Variants in AKT3 observed in about 807,000 individuals in gnomAD.
AKT3 encodes the protein RAC-gamma serine/threonine-protein kinase.
AKT3 carries 15 observed loss-of-function variants against 65.3 expected under a neutral mutation model. The ratio of observed to expected loss-of-function variants is 0.23; its 90% confidence interval spans 0.15 to 0.35. The LOEUF (loss-of-function observed/expected upper bound fraction) is 0.35, where lower values mean the gene tolerates loss of function less well. Ranked by LOEUF, AKT3 falls within the 10% of genes least tolerant of loss-of-function variation. AKT3 has a pLI of 1.00. For missense variants in AKT3, 243 were observed against 576.5 expected, an observed-to-expected ratio of 0.42 and a Z score of 5.92; for synonymous variants, 206 against 183.8, an observed-to-expected ratio of 1.12 and a Z score of -0.98.
intron 6 of AKT3, among the ~76,000 whole-genome samples, chr1:243,629,075 GAGACC>G (rs1428946528): frequency 6.6e-6 from 1 of 152,074 alleles, no homozygotes; most frequent in Non-Finnish European, 1.5e-5. Context: ...TCAGGAGTTT[GAGACC>G]AGCCTGACCA....
intron 6 of AKT3, among the ~76,000 whole-genome samples, chr1:243,635,881 A>G (rs1679936999): frequency 6.6e-6 from 1 of 152,060 alleles, no homozygotes; most frequent in African/African-American, 2.4e-5. Flanking sequence ...TCATAGTGTT[A>G]ATCATCTTGC....
intron 9 of AKT3, among the ~76,000 whole-genome samples, chr1:243,566,308 A>G (rs1674152663): frequency 6.6e-6 from 1 of 152,170 alleles, no homozygotes; most frequent in Admixed American, 6.5e-5. Context: ...ATGCAAGGAT[A>G]GGTTTGGGTA....
At chr1:243,780,056 T>A (rs1348056827) in intron 2 of AKT3, among the ~76,000 whole-genome samples, 1 of 152,088 alleles carries the variant, frequency 6.6e-6, no homozygotes, top group Non-Finnish European at 1.5e-5. Context: ...AATAATGTAT[T>A]CAAGTAAGAA....
At chr1:243,747,075 C>G (rs892120469) in intron 2 of AKT3, among the ~76,000 whole-genome samples, 1 of 152,042 alleles carries the variant, frequency 6.6e-6, no homozygotes, top group Non-Finnish European at 1.5e-5. Context: ...TTTACATGCC[C>G]AGGAAGCTAT....
rs555798309 is a variant in AKT3 at position 243,565,241 on chromosome 1, TTC to T, written c.820-1395_820-1394del. ...TACTGCTGAACCTTTAAAAAAAAATTTCTGTTTTGAGACAGAGTCTCACTCTG... is the reference window on the plus strand; with the variant it reads ...TACTGCTGAACCTTTAAAAAAAAATTTGTTTTGAGACAGAGTCTCACTCTG... On this transcript the variant is annotated intron_variant, in intron 9 of 13. Transcript: ENST00000673466. Among the ~76,000 whole-genome samples, 726 of 152,306 alleles carry T rather than the reference TTC, an allele frequency of 4.8e-3. 2 individuals are homozygous for T. The highest frequency in any genetic ancestry group is 0.02 in the Middle Eastern group (6 of 294).
At chr1:243,666,879 G>A (rs1489601568) in intron 3 of AKT3, among the ~76,000 whole-genome samples, 3 of 152,022 alleles carry the variant, frequency 2.0e-5, no homozygotes, top group Admixed American at 1.3e-4. Flanking sequence ...GTGTTTTGTC[G>A]ACATGATGAG....
At chr1:243,579,320 T>C (rs1675168611) in intron 8 of AKT3, among the ~76,000 whole-genome samples, 1 of 152,102 alleles carries the variant, frequency 6.6e-6, no homozygotes. Flanking sequence ...AAGAATAGTC[T>C]AGGAATTCAG....
chr1:243,720,324 ATAAAAATGGT>A (rs892516544), intron 2 of AKT3, among the ~76,000 whole-genome samples: 3 of 151,980 alleles, frequency 2.0e-5, no homozygotes, highest in South Asian at 4.1e-4. Context: ...TAAAATAAAA[ATAAAAATGGT>A]TAAAAATGGT....
Position 243,499,944 on chromosome 1 carries a change from C to G in AKT3, c.*5305G>C. 5.7e-6 allele frequency: 4 copies of G among 696,570 alleles called. No individual in the cohort carries two copies. Among genetic ancestry groups the G allele is most frequent in the Non-Finnish European group, 1.0e-5 (4 of 386,306 alleles). The allele number at this position is 696,570 out of a possible 1,614,324, so 43.1% of individuals were successfully genotyped here. On this transcript the variant is annotated 3_prime_UTR_variant, in exon 14 of 14. Transcript: ENST00000673466. ...CATCAACGCGGGCGCTGTCCCCGCA[C>G]GCAGTCGGGCTGGAGCTGGAGTCTG...
intron 8 of AKT3, among the ~76,000 whole-genome samples, chr1:243,607,053 C>A (rs1053180818): frequency 6.6e-6 from 1 of 152,238 alleles, no homozygotes; most frequent in African/African-American, 2.4e-5. Context: ...TGTGTGGAAA[C>A]ACTTGGATGA....
At chr1:243,833,030 T>C (rs1175416139) in intron 2 of AKT3, among the ~76,000 whole-genome samples, 1 of 152,090 alleles carries the variant, frequency 6.6e-6, no homozygotes, top group African/African-American at 2.4e-5. Context: ...GAGGCTGAGA[T>C]GGCTGGATCA....
chr1:243,817,343 A>G (rs1015882045), intron 2 of AKT3, among the ~76,000 whole-genome samples: 6 of 152,264 alleles, frequency 3.9e-5, no homozygotes, highest in African/African-American at 1.4e-4. Flanking sequence ...TGATGTAGCT[A>G]TAATGATCTA....
At chr1:243,552,015 T>G (rs1445195834) in intron 11 of AKT3, among the ~76,000 whole-genome samples, 1 of 151,712 alleles carries the variant, frequency 6.6e-6, no homozygotes, top group Non-Finnish European at 1.5e-5. Context: ...AGAGGCCGGG[T>G]GCGGTGGCTC....
chr1:243,589,764 T>C (rs1676094761), intron 8 of AKT3, among the ~76,000 whole-genome samples: 1 of 152,206 alleles, frequency 6.6e-6, no homozygotes, highest in Non-Finnish European at 1.5e-5. Flanking sequence ...CATTATTCAC[T>C]GTAATTAAGG....
intron 2 of AKT3, among the ~76,000 whole-genome samples, chr1:243,767,705 G>C (rs1689920679): frequency 6.6e-6 from 1 of 152,018 alleles, no homozygotes; most frequent in African/African-American, 2.4e-5. Flanking sequence ...GTGGGTAAAG[G>C]AGTAAGTGGA....
At chr1:243,809,638 A>C (rs1692995255) in intron 2 of AKT3, among the ~76,000 whole-genome samples, 1 of 152,198 alleles carries the variant, frequency 6.6e-6, no homozygotes, top group Admixed American at 6.5e-5. Flanking sequence ...ACAGAAAGTT[A>C]ACAAGGATAT....
intron 8 of AKT3, among the ~76,000 whole-genome samples, chr1:243,574,935 T>C (rs1223207868): frequency 2.0e-5 from 3 of 152,154 alleles, no homozygotes; most frequent in African/African-American, 7.2e-5. Context: ...CGATATAATA[T>C]ATGCAAGATT....
At chr1:243,627,152 G>A (rs1679229744) in intron 6 of AKT3, among the ~76,000 whole-genome samples, 1 of 152,094 alleles carries the variant, frequency 6.6e-6, no homozygotes, top group Non-Finnish European at 1.5e-5. Flanking sequence ...TACAGCATCA[G>A]CAGTCTCTGA....
chr1:243,588,531 T>G (rs773359506), intron 8 of AKT3, among the ~76,000 whole-genome samples: 1 of 152,110 alleles, frequency 6.6e-6, no homozygotes, highest in Non-Finnish European at 1.5e-5. Flanking sequence ...GTAACTCACG[T>G]AAAACTCAAA....
Sources: gnomAD v4.1 joint callset for allele counts (sites outside exome capture counted in the v4.1 genomes callset) on GRCh38, gnomAD v4.1.1 for gene constraint, MANE v1.5 for transcripts, NCBI Gene and HGNC (gene_info 2026-07-23, HGNC 2026-07-21) for gene names.